TM9SF3: variants seen among roughly 807,000 people sequenced by gnomAD.
TM9SF3 encodes transmembrane 9 superfamily member 3.
TM9SF3 carries 14 observed loss-of-function variants against 78.6 expected under a neutral mutation model. The observed-to-expected ratio is 0.18, with a 90% CI of 0.12 to 0.28. The LOEUF is 0.28. Ranked by LOEUF, TM9SF3 falls within the 10% of genes least tolerant of loss-of-function variation. TM9SF3 has a pLI of 1.00. For synonymous variants in TM9SF3, 231 were observed against 241.7 expected (o/e 0.96, Z 0.41); for missense variants, 496 against 721.9 (o/e 0.69, Z 3.59).
At chr10:96,557,168 C>G (rs1422267318) in intron 5 of TM9SF3, among the ~76,000 whole-genome samples, 2 of 152,196 alleles carry the variant, frequency 1.3e-5, no homozygotes, top group Non-Finnish European at 1.5e-5. Flanking sequence ...ATTTGTATCT[C>G]TAGCCCAGAC....
intron 9 of TM9SF3, among the ~76,000 whole-genome samples, chr10:96,537,667 T>C (rs1847976067): frequency 6.6e-6 from 1 of 152,210 alleles, no homozygotes; most frequent in South Asian, 2.1e-4. Context: ...AGCCTATCTC[T>C]ATAAAAATAC....
chr10:96,568,744 A>G (rs1848406669), intron 2 of TM9SF3, among the ~76,000 whole-genome samples: 1 of 152,126 alleles, frequency 6.6e-6, no homozygotes, highest in Non-Finnish European at 1.5e-5. Flanking sequence ...ATAAAAAGTT[A>G]TAGAGAAATG....
intron 14 of TM9SF3, among the ~76,000 whole-genome samples, chr10:96,525,048 T>C (rs12416646): frequency 0.2 from 31,081 of 151,906 alleles, 3,541 homozygotes; most frequent in Admixed American, 0.3. Flanking sequence ...AATGTCAAGA[T>C]GTTACCTCTC....
chr10:96,568,230 T>C (rs1848400749), intron 2 of TM9SF3, among the ~76,000 whole-genome samples: 1 of 152,200 alleles, frequency 6.6e-6, no homozygotes, highest in Non-Finnish European at 1.5e-5. Flanking sequence ...AAATAACTAA[T>C]GCAATGTGTA....
chr10:96,564,162 T>A (rs1427894371), intron 3 of TM9SF3, among the ~76,000 whole-genome samples: 1 of 146,906 alleles, frequency 6.8e-6, no homozygotes, highest in Non-Finnish European at 1.5e-5. Flanking sequence ...CATGGTGGGG[T>A]GCACCGGTAG....
intron 8 of TM9SF3, among the ~76,000 whole-genome samples, chr10:96,546,212 C>T (rs1848097819): frequency 6.6e-6 from 1 of 152,128 alleles, no homozygotes; most frequent in Admixed American, 6.5e-5. Context: ...TCTACATTAA[C>T]CTGGTTTTTG....
At chr10:96,574,626 A>G (rs1427481420) in intron 2 of TM9SF3, among the ~76,000 whole-genome samples, 1 of 152,264 alleles carries the variant, frequency 6.6e-6, no homozygotes, top group Non-Finnish European at 1.5e-5. Context: ...ATACACATGT[A>G]TGTTTACTGT....
intron 1 of TM9SF3, among the ~76,000 whole-genome samples, chr10:96,581,056 T>C (rs1848563134): frequency 6.6e-6 from 1 of 152,126 alleles, no homozygotes; most frequent in Non-Finnish European, 1.5e-5. Flanking sequence ...TCCTGAACAC[T>C]GAATAACTTT....
intron 11 of TM9SF3, among the ~76,000 whole-genome samples, chr10:96,528,657 A>G (rs2134129981): frequency 6.6e-6 from 1 of 152,296 alleles, no homozygotes; most frequent in East Asian, 1.9e-4. Flanking sequence ...AGAGGACAGC[A>G]AGGGAAAAGG....
chr10:96,525,116 C>G (rs904000931), intron 14 of TM9SF3, among the ~76,000 whole-genome samples: 1 of 151,936 alleles, frequency 6.6e-6, no homozygotes, highest in African/African-American at 2.4e-5. Context: ...TTTTTTAACT[C>G]TCTGCATAAT....
rs1379995144 is a variant in TM9SF3 at position 96,518,771 on chromosome 10, T to C, written c.*3492A>G. On this transcript the variant is annotated 3_prime_UTR_variant, in exon 15 of 15. Transcript: ENST00000371142. Reference sequence around the variant, plus strand: ...CGTTCTGATCTAGCCTACCTGTAAGTCTAGTTTATTTCTGTACACACTTCC... The same window carrying C: ...CGTTCTGATCTAGCCTACCTGTAAGCCTAGTTTATTTCTGTACACACTTCC... The C allele has an allele frequency of 6.6e-6, 1 of 152,108 alleles. No individual in the cohort carries two copies. The highest frequency in any genetic ancestry group is 1.9e-4 in the East Asian group (1 of 5,192). 9.4% of individuals were successfully genotyped at this position (152,108 alleles called of 1,614,324 possible).
At chr10:96,585,509 G>C (rs1848618907) in intron 1 of TM9SF3, among the ~76,000 whole-genome samples, 1 of 152,178 alleles carries the variant, frequency 6.6e-6, no homozygotes, top group Admixed American at 6.5e-5. Context: ...CGAGATTTGT[G>C]TCTCTAAAGA....
At chr10:96,526,864 A>C (rs1323330410) in intron 14 of TM9SF3, among the ~76,000 whole-genome samples, 2 of 152,118 alleles carry the variant, frequency 1.3e-5, no homozygotes. Context: ...AAAAAATGCC[A>C]ATTCTCAAGC....
chr10:96,573,776 C>G (rs1848465350), intron 2 of TM9SF3, among the ~76,000 whole-genome samples: 1 of 152,152 alleles, frequency 6.6e-6, no homozygotes, highest in African/African-American at 2.4e-5. Context: ...CACCACACAT[C>G]TACAACCATG....
At chr10:96,533,388 T>C (rs1284840615) in intron 9 of TM9SF3, among the ~76,000 whole-genome samples, 198 bp from the exon 10 acceptor site, 1 of 152,228 alleles carries the variant, frequency 6.6e-6, no homozygotes, top group African/African-American at 2.4e-5. Context: ...TGAATACAAG[T>C]TGAACTAGTT....
intron 8 of TM9SF3, among the ~76,000 whole-genome samples, chr10:96,545,346 T>C (rs1164158451): frequency 1.3e-5 from 2 of 152,226 alleles, no homozygotes; most frequent in Non-Finnish European, 2.9e-5. Flanking sequence ...TTTTAAAACA[T>C]CTGTTACAGA....
intron 9 of TM9SF3, among the ~76,000 whole-genome samples, chr10:96,542,394 T>A (rs566463467): frequency 6.6e-6 from 1 of 152,264 alleles, no homozygotes; most frequent in African/African-American, 2.4e-5. Flanking sequence ...TTTATAAACC[T>A]TCTCTGGCTC....
chr10:96,540,279 CT>C (rs1848006662), intron 9 of TM9SF3, among the ~76,000 whole-genome samples: 1 of 152,210 alleles, frequency 6.6e-6, no homozygotes, highest in Non-Finnish European at 1.5e-5. Context: ...CATGTACATA[CT>C]ATGGCTAATA....
intron 7 of TM9SF3, 116 bp from the exon 8 acceptor site, chr10:96,548,105 T>C (rs772327229): frequency 4.0e-5 from 25 of 622,270 alleles, no homozygotes; most frequent in Non-Finnish European, 6.6e-5. Context: ...AATACAAAAA[T>C]ATCACAACCT....
Sources: gnomAD v4.1 joint callset for allele counts (sites outside exome capture counted in the v4.1 genomes callset) on GRCh38, gnomAD v4.1.1 for gene constraint, MANE v1.5 for transcripts, NCBI Gene and HGNC (gene_info 2026-07-23, HGNC 2026-07-21) for gene names.